Variants in VPS13B observed in about 807,000 individuals in gnomAD.
VPS13B encodes the protein intermembrane lipid transfer protein VPS13B.
VPS13B carries 285 observed loss-of-function variants against 426.4 expected under a neutral mutation model. The observed-to-expected ratio is 0.67, with a 90% CI of 0.61 to 0.74. The LOEUF (loss-of-function observed/expected upper bound fraction) is 0.74, where lower values mean the gene tolerates loss of function less well. VPS13B is among the 30% of genes least tolerant of loss of function. The probability of loss-of-function intolerance (pLI) is 0.00; values close to 1 mark genes in which losing one functional copy is unlikely to be tolerated. For synonymous variants in VPS13B, 1,676 were observed against 1,676.4 expected, an observed-to-expected ratio of 1.00 and a Z score of 0.01; for missense variants, 4,537 against 4,782.6, an observed-to-expected ratio of 0.95 and a Z score of 1.51.
At chr8:99,352,472 G>A (rs1048697528) in intron 19 of VPS13B, among the ~76,000 whole-genome samples, 1 of 152,104 alleles carries the variant, frequency 6.6e-6, no homozygotes, top group African/African-American at 2.4e-5. Flanking sequence ...TAAGAATAAA[G>A]TTGAGTTTTA....
chr8:99,099,266 A>T (rs1019472001), intron 4 of VPS13B, among the ~76,000 whole-genome samples: 1 of 152,250 alleles, frequency 6.6e-6, no homozygotes, highest in African/African-American at 2.4e-5. Flanking sequence ...AGACAAGAAC[A>T]TTCTAAAGAA....
intron 19 of VPS13B, among the ~76,000 whole-genome samples, chr8:99,294,455 G>T (rs2133054266): frequency 6.8e-6 from 1 of 147,144 alleles, no homozygotes; most frequent in South Asian, 2.2e-4. Flanking sequence ...ACGAGTTAGT[G>T]GGTGCAGCGC....
chr8:99,139,611 G>A (rs948279794), intron 12 of VPS13B, among the ~76,000 whole-genome samples: 9 of 151,628 alleles, frequency 5.9e-5, no homozygotes, highest in Non-Finnish European at 1.3e-4. Flanking sequence ...CTAACTTTTT[G>A]TATTTTTAAT....
chr8:99,641,400 C>T (rs559704098), intron 33 of VPS13B, among the ~76,000 whole-genome samples: 4 of 152,156 alleles, frequency 2.6e-5, no homozygotes, highest in East Asian at 1.9e-4. Context: ...ACTACTTCTA[C>T]GTAAAATGTA....
chr8:99,290,829 C>T (rs1391241298), intron 19 of VPS13B, among the ~76,000 whole-genome samples: 1 of 151,888 alleles, frequency 6.6e-6, no homozygotes, highest in East Asian at 1.9e-4. Context: ...AACAATTGGT[C>T]AAGTTTGGCT....
chr8:99,026,382 A>C (rs902960220), intron 2 of VPS13B, among the ~76,000 whole-genome samples: 32 of 152,144 alleles, frequency 2.1e-4, no homozygotes, highest in Non-Finnish European at 5.9e-5. Flanking sequence ...TGGACTTTTA[A>C]AATTTTTGGA....
chr8:99,602,638 T>C (rs1452895423), intron 33 of VPS13B, among the ~76,000 whole-genome samples: 2 of 151,922 alleles, frequency 1.3e-5, no homozygotes, highest in African/African-American at 4.8e-5. Flanking sequence ...AAAACCCCAT[T>C]GTCTCAGCCC....
intron 19 of VPS13B, among the ~76,000 whole-genome samples, chr8:99,379,845 G>C (rs1472338998): frequency 2.0e-5 from 3 of 152,066 alleles, no homozygotes; most frequent in Non-Finnish European, 4.4e-5. Flanking sequence ...TCATTTGACA[G>C]AAAGAAATTC....
intron 3 of VPS13B, chr8:99,091,779 A>T (rs1179762261): frequency 6.6e-6 from 1 of 152,190 alleles, no homozygotes; most frequent in Non-Finnish European, 1.5e-5. Flanking sequence ...ACTGGAGAGG[A>T]TAGAGGTGAA....
rs1482772027 is a variant in VPS13B, at chr8:99,854,078, G to A, written c.10689G>A (p.Leu3563=). The A allele has an allele frequency of 6.2e-7, 1 of 1,613,270 alleles. No homozygotes were observed. Among genetic ancestry groups the A allele is most frequent in the East Asian group, 2.2e-5 (1 of 44,862 alleles). ...ALVNPVKLRK[L]VIQPVNLLVS... is the part of the protein sequence containing the mutation. ...TGAATCCTGTGAAGTTACGGAAACT[G>A]GTGATCCAGCCAGTAAATTTGCTCG... The change falls in exon 56 of 62, where the codon CTG becomes CTA. Residue 3563 remains leucine (L), a synonymous_variant. Coordinates refer to ENST00000357162, the MANE Select transcript of VPS13B (RefSeq NM_152564.5).
At chr8:99,228,066 A>G (rs563956776) in intron 17 of VPS13B, among the ~76,000 whole-genome samples, 2 of 152,240 alleles carry the variant, frequency 1.3e-5, no homozygotes, top group African/African-American at 4.8e-5. Context: ...TTGAATTTCT[A>G]AATTGTTCAC....
chr8:99,338,411 T>G (rs1256945664), intron 19 of VPS13B, among the ~76,000 whole-genome samples: 6 of 152,032 alleles, frequency 3.9e-5, no homozygotes, highest in Non-Finnish European at 8.8e-5. Flanking sequence ...TCCATTTTAT[T>G]CTTTATATAA....
intron 19 of VPS13B, among the ~76,000 whole-genome samples, chr8:99,296,148 A>G (rs1337364128): frequency 6.6e-6 from 1 of 152,246 alleles, no homozygotes; most frequent in East Asian, 1.9e-4. Flanking sequence ...GACCATCTGT[A>G]CATTATGTAA....
At chr8:99,750,361 A>G (rs141182329) in intron 39 of VPS13B, among the ~76,000 whole-genome samples, 1 of 151,980 alleles carries the variant, frequency 6.6e-6, no homozygotes, top group African/African-American at 2.4e-5. Context: ...CACTTATATT[A>G]CCCTTTCCTG....
chr8:99,631,647 G>A (rs1166614107), intron 33 of VPS13B, among the ~76,000 whole-genome samples: 2 of 151,792 alleles, frequency 1.3e-5, no homozygotes, highest in East Asian at 3.9e-4. Context: ...AACTCAAATT[G>A]TTCCTGACTC....
intron 31 of VPS13B, among the ~76,000 whole-genome samples, chr8:99,571,532 T>A (rs191011335): frequency 9.8e-4 from 149 of 152,312 alleles, no homozygotes; most frequent in Non-Finnish European, 1.8e-3. Flanking sequence ...GTTACTGATT[T>A]AATTTATCAC....
intron 28 of VPS13B, chr8:99,508,027 T>G: frequency 6.7e-7 from 1 of 1,489,520 alleles, no homozygotes; most frequent in Non-Finnish European, 9.3e-7. Context: ...ATCATAAACT[T>G]TATAAATGAA....
chr8:99,582,452 T>A (rs1390510628), intron 33 of VPS13B, among the ~76,000 whole-genome samples: 4 of 152,200 alleles, frequency 2.6e-5, no homozygotes, highest in Admixed American at 1.3e-4. Context: ...TATTTGTTGT[T>A]AATAAGGGTT....
intron 42 of VPS13B, among the ~76,000 whole-genome samples, chr8:99,780,399 A>G (rs1006221038): frequency 6.6e-5 from 10 of 152,208 alleles, no homozygotes; most frequent in African/African-American, 2.4e-4. Flanking sequence ...AATGGCCTTC[A>G]GAAATACCAG....
Sources: gnomAD v4.1 joint callset for allele counts (sites outside exome capture counted in the v4.1 genomes callset) on GRCh38, gnomAD v4.1.1 for gene constraint, MANE v1.5 for transcripts, NCBI Gene and HGNC (gene_info 2026-07-23, HGNC 2026-07-21) for gene names.